Variants in NPHP3 observed in about 807,000 individuals in gnomAD.
The protein encoded by NPHP3 is nephrocystin-3.
A neutral mutation model predicts 171.9 loss-of-function variants in NPHP3; 123 were observed. The observed-to-expected ratio is 0.72, with a 90% CI of 0.62 to 0.83. The LOEUF (loss-of-function observed/expected upper bound fraction) is 0.83. NPHP3 is among the 40% of genes least tolerant of loss of function. The pLI, the probability that NPHP3 is intolerant of heterozygous loss-of-function variation, is 0.00. For synonymous variants in NPHP3, 558 were observed against 579.2 expected (o/e 0.96, Z 0.52); for missense variants, 1,506 against 1,591.9 (o/e 0.95, Z 0.92).
intron 22 of NPHP3, among the ~76,000 whole-genome samples, chr3:132,686,917 C>T (rs1180114626): frequency 1.3e-5 from 2 of 152,082 alleles, no homozygotes; most frequent in Non-Finnish European, 2.9e-5. Flanking sequence ...CTTTAAATTC[C>T]GTCTTTCAAA....
At position 132,704,201 on chromosome 3, in the gene NPHP3, C is replaced by T. The variant is rs762044969; in HGVS notation, c.1521G>A (p.Glu507=). The change falls in exon 9 of 27, where the codon GAG becomes GAA. Residue 507 remains glutamate (E), a synonymous_variant. Transcript: ENST00000337331. ...ASNSAHELGF[E]KYYQRLNDLV... ...CAATAATACTCCAAGCACTTACTTTCTCAAATCCCAACTCATGGGCTGAAT... is the reference window on the plus strand; with the variant it reads ...CAATAATACTCCAAGCACTTACTTTTTCAAATCCCAACTCATGGGCTGAAT... The T allele has an allele frequency of 1.9e-6, 3 of 1,614,150 alleles. No homozygotes were observed. The African/African-American group carries it at 4.0e-5, about 22-fold the overall frequency.
intron 13 of NPHP3, among the ~76,000 whole-genome samples, chr3:132,697,884 A>G (rs756725215): frequency 1.3e-5 from 2 of 152,158 alleles, no homozygotes; most frequent in Non-Finnish European, 1.5e-5. Flanking sequence ...TGGTATTAAA[A>G]TTTCTTGGGG....
At position 132,715,077 on chromosome 3, in the gene NPHP3, A is replaced by G; in HGVS notation, c.957+8T>C. The G allele has an allele frequency of 6.2e-7, 1 of 1,607,858 alleles. No individual in the cohort carries two copies. Among genetic ancestry groups the G allele is most frequent in the Non-Finnish European group, 8.5e-7 (1 of 1,174,666 alleles). ...ATTGGTTGATACAGAATTTATAAATATCCTCACCTTAAGGAAAAGATCCAT... is the reference window on the plus strand; with the variant it reads ...ATTGGTTGATACAGAATTTATAAATGTCCTCACCTTAAGGAAAAGATCCAT... On this transcript the variant is annotated splice_region_variant and intron_variant, in intron 5 of 26. Coordinates refer to ENST00000337331, the MANE Select transcript of NPHP3 (RefSeq NM_153240.5).
intron 16 of NPHP3, among the ~76,000 whole-genome samples, chr3:132,694,355 ATGTG>A (rs141353877): frequency 0.017 from 2,478 of 143,956 alleles, 67 homozygotes; most frequent in African/African-American, 0.062. Flanking sequence ...GAAGGAAATT[ATGTG>A]TGTGTGTGTG....
intron 8 of NPHP3, 48 bp from the exon 9 acceptor site, chr3:132,704,419 T>C (rs200142459): frequency 5.6e-6 from 9 of 1,610,712 alleles, no homozygotes; most frequent in South Asian, 5.5e-5. Flanking sequence ...AAAATAAAGA[T>C]CTTACAGCGG....
chr3:132,696,949 G>A lies in NPHP3; in HGVS notation c.2089-136C>T, dbSNP rs1450376888. 2.1e-5 allele frequency: 16 copies of A among 765,982 alleles called. No individual in the cohort carries two copies. In the East Asian group the frequency reaches 4.1e-4, roughly 20 times the overall value. The allele number at this position is 765,982 out of a possible 1,614,324, so 47.4% of individuals were successfully genotyped here. On this transcript the variant is annotated intron_variant, in intron 14 of 26. Coordinates refer to ENST00000337331, the MANE Select transcript of NPHP3 (RefSeq NM_153240.5). ...GCTGCCATCCGTGACATCACAACAT[G>A]CAGTGGTGGCTCCTCGGCTGTGGGC...
intron 8 of NPHP3, 150 bp from the exon 9 acceptor site, chr3:132,704,521 T>C (rs935913674): frequency 1.6e-6 from 1 of 625,888 alleles, no homozygotes; most frequent in Admixed American, 2.9e-5. Flanking sequence ...AATAAACTGA[T>C]AACTACAAAA....
intron 26 of NPHP3, 164 bp from the exon 27 acceptor site, chr3:132,682,254 T>C (rs1054933042): frequency 6.1e-6 from 4 of 651,218 alleles, no homozygotes; most frequent in Non-Finnish European, 1.1e-5. Context: ...CCCAAACTCT[T>C]CTCCTTTCTA....
In NPHP3 at chr3:132,694,860, C is replaced by T; in HGVS notation, c.2277G>A (p.Met759Ile). Residue 759 changes from methionine to isoleucine, a missense_variant, in exon 16 of 27, where the codon ATG becomes ATA. Met to Ile is a conservative substitution (Grantham distance 10). Coordinates refer to ENST00000337331, the MANE Select transcript of NPHP3 (RefSeq NM_153240.5). ...RLVLHSIRES[M>I]ANDVDKELMK... ...TTAGCTCTTTATCCACATCATTTGCCATGGACTCCCGGATAGAGTGCAGAA... is the reference window on the plus strand; with the variant it reads ...TTAGCTCTTTATCCACATCATTTGCTATGGACTCCCGGATAGAGTGCAGAA... 1 of 1,613,668 alleles carries T rather than the reference C, an allele frequency of 6.2e-7. No individual in the cohort carries two copies. The highest frequency in any genetic ancestry group is 8.5e-7 in the Non-Finnish European group (1 of 1,179,928).
rs1362915282 is a variant in NPHP3 at position 132,699,476 on chromosome 3, A to G, written c.1888-26T>C. The G allele has an allele frequency of 3.5e-6, 5 of 1,440,692 alleles. No homozygotes were observed. In the Admixed American group the frequency reaches 8.5e-5, roughly 24 times the overall value. The allele number at this position is 1,440,692 out of a possible 1,614,324, so 89.2% of individuals were successfully genotyped here. A position where few individuals can be genotyped will look rare whatever the true frequency, so the allele number is the denominator to read the frequency against. On this transcript the variant is annotated intron_variant, in intron 12 of 26. Coordinates refer to ENST00000337331, the MANE Select transcript of NPHP3 (RefSeq NM_153240.5). ...CTTAAAAATATAAAAACAAAATTCA[A>G]TCTATTAATCAAAATATTTCAAAAC... is the stretch of plus-strand genomic sequence containing the variant.
chr3:132,720,768 G>A (rs1244689352), intron 1 of NPHP3, among the ~76,000 whole-genome samples: 2 of 151,796 alleles, frequency 1.3e-5, no homozygotes, highest in Middle Eastern at 3.2e-3. Flanking sequence ...ATTTCACCCC[G>A]ACTGTAACGA....
At chr3:132,706,155 C>A (rs779584232) in intron 7 of NPHP3, among the ~76,000 whole-genome samples, 2 of 151,912 alleles carry the variant, frequency 1.3e-5, no homozygotes, top group Admixed American at 6.6e-5. Context: ...GTCAGGAGAT[C>A]AAGACCATCC....
rs774608360 is a variant in NPHP3, at chr3:132,718,090, C to T, written c.670+904G>A. The T allele has an allele frequency of 3.1e-5, 14 of 453,706 alleles. No individual in the cohort carries two copies. The East Asian group carries it at 7.9e-4, about 26-fold the overall frequency. The allele number at this position is 453,706 out of a possible 1,614,324, so 28.1% of individuals were successfully genotyped here. On this transcript the variant is annotated intron_variant, in intron 3 of 26. Coordinates refer to ENST00000337331, the MANE Select transcript of NPHP3 (RefSeq NM_153240.5). ...TCCTTAAAAGTTAGCAATAAAAATT[C>T]CAGGATGTTGGTCAGATTCCAATGA...
chr3:132,705,585 C>T, intron 8 of NPHP3, 155 bp downstream of exon 8: 1 of 576,818 alleles, frequency 1.7e-6, no homozygotes, highest in Non-Finnish European at 3.2e-6. Flanking sequence ...ATACTAAGAA[C>T]ATACCACAGG....
chr3:132,688,775 C>T lies in NPHP3; in HGVS notation c.3000G>A (p.Lys1000=). The T allele has an allele frequency of 6.2e-7, 1 of 1,614,124 alleles. No homozygotes were observed. Among genetic ancestry groups the T allele is most frequent in the African/African-American group, 1.3e-5 (1 of 75,032 alleles). ...QLASVYVQWK[K]FGNAEQLYKQ... is the part of the protein sequence containing the mutation. ...TATACAGTTGTTCTGCATTGCCAAA[C>T]TTCTTCCACTGCACGTATACACTTG... Residue 1000 remains lysine, a synonymous_variant, in exon 21 of 27, where the codon AAG becomes AAA. Transcript: ENST00000337331.
intron 3 of NPHP3, among the ~76,000 whole-genome samples, chr3:132,717,665 T>C (rs1269725169): frequency 3.3e-5 from 5 of 152,168 alleles, no homozygotes; most frequent in Non-Finnish European, 7.4e-5. Context: ...CACTGTACAT[T>C]TGAGTATGTC....
chr3:132,684,225 TTGG>T (rs1177635299), intron 24 of NPHP3, among the ~76,000 whole-genome samples: 2 of 152,214 alleles, frequency 1.3e-5, no homozygotes, highest in Admixed American at 1.3e-4. Flanking sequence ...AAACTTAATA[TTGG>T]TGGAATTTTA....
intron 7 of NPHP3, among the ~76,000 whole-genome samples, chr3:132,706,169 C>T (rs1030754251): frequency 6.6e-6 from 1 of 151,932 alleles, no homozygotes; most frequent in Non-Finnish European, 1.5e-5. Flanking sequence ...ACCATCCTGG[C>T]TAACATGGTG....
intron 1 of NPHP3, among the ~76,000 whole-genome samples, chr3:132,720,881 TAG>T (rs146788546): frequency 0.023 from 3,453 of 151,962 alleles, 140 homozygotes; most frequent in African/African-American, 0.078. Flanking sequence ...CAAAAAGTTT[TAG>T]AGATTCGTTC....
Sources: gnomAD v4.1 joint callset for allele counts (sites outside exome capture counted in the v4.1 genomes callset) on GRCh38, gnomAD v4.1.1 for gene constraint, MANE v1.5 for transcripts, NCBI Gene and HGNC (gene_info 2026-07-23, HGNC 2026-07-21) for gene names.